The following ADAMTSL1 variants were observed in gnomAD, a reference collection of about 807,000 sequenced individuals.
ADAMTSL1 encodes the protein ADAMTS like 1.
ADAMTSL1 carries 126 observed loss-of-function variants against 201.8 expected under a neutral mutation model. The observed-to-expected ratio is 0.62, with a 90% CI of 0.54 to 0.72. The LOEUF (loss-of-function observed/expected upper bound fraction) is 0.72, where lower values mean the gene tolerates loss of function less well. Among genes scored for constraint, ADAMTSL1 ranks in the 30% least tolerant of loss-of-function variants. The probability of loss-of-function intolerance (pLI) is 0.00; values close to 1 mark genes in which losing one functional copy is unlikely to be tolerated. For synonymous variants in ADAMTSL1, 1,121 were observed against 903.4 expected, an observed-to-expected ratio of 1.24 and a Z score of -4.32; for missense variants, 2,679 against 2,277.8, an observed-to-expected ratio of 1.18 and a Z score of -3.59.
intron 1 of ADAMTSL1, among the ~76,000 whole-genome samples, chr9:18,061,313 A>C (rs551534537): frequency 6.6e-6 from 1 of 152,270 alleles, no homozygotes; most frequent in Admixed American, 6.5e-5. Flanking sequence ...CTTTTCTTTC[A>C]CATAGTTTTC....
At position 18,562,474 on chromosome 9, in the gene ADAMTSL1, C is replaced by T. The variant is rs59187654; in HGVS notation, c.238-11556C>T. Among the ~76,000 whole-genome samples the T allele has an allele frequency of 9.0e-3, 1,370 of 152,118 alleles. 24 individuals are homozygous for T. The highest frequency in any genetic ancestry group is 0.031 in the African/African-American group (1,280 of 41,506). Reference sequence around the variant, plus strand: ...ATTTTTTCCTTCATTTCAACCTTGCCGAATATGACAATTATGTGTCTTGGG... The same window carrying T: ...ATTTTTTCCTTCATTTCAACCTTGCTGAATATGACAATTATGTGTCTTGGG... On this transcript the variant is annotated intron_variant, in intron 3 of 28. Transcript: ENST00000380548.
At chr9:17,990,778 C>T (rs1040437592) in intron 1 of ADAMTSL1, among the ~76,000 whole-genome samples, 8 of 152,004 alleles carry the variant, frequency 5.3e-5, no homozygotes, top group Non-Finnish European at 1.2e-4. Context: ...TTTGAAATTA[C>T]ATGTTACCCA....
rs1423713388 is a variant in ADAMTSL1, at chr9:18,565,803, G to C, written c.238-8227G>C. Among the ~76,000 whole-genome samples, 3 of 152,136 alleles carry C rather than the reference G, an allele frequency of 2.0e-5. No individual in the cohort carries two copies. The South Asian group carries it at 6.2e-4, about 32-fold the overall frequency. On this transcript the variant is annotated intron_variant, in intron 3 of 28. Transcript: ENST00000380548. Reference sequence around the variant, plus strand: ...TGTCTGTTTAATTTCATTTTACATAGCAGCTAGCAATCTTGCACAAATAAA... The same window carrying C: ...TGTCTGTTTAATTTCATTTTACATACCAGCTAGCAATCTTGCACAAATAAA...
At chr9:18,434,886 T>A (rs1266020252) in intron 2 of ADAMTSL1, among the ~76,000 whole-genome samples, 2 of 152,244 alleles carry the variant, frequency 1.3e-5, no homozygotes, top group Non-Finnish European at 1.5e-5. Context: ...GAATTTTTCA[T>A]GTATGTGATT....
At chr9:18,056,330 G>A (rs1387360548) in intron 1 of ADAMTSL1, among the ~76,000 whole-genome samples, 1 of 152,136 alleles carries the variant, frequency 6.6e-6, no homozygotes, top group Non-Finnish European at 1.5e-5. Context: ...GATGCTGGAG[G>A]CAGGGTTGGA....
At chr9:18,071,235 T>C (rs912603897) in intron 1 of ADAMTSL1, among the ~76,000 whole-genome samples, 1 of 152,216 alleles carries the variant, frequency 6.6e-6, no homozygotes, top group African/African-American at 2.4e-5. Flanking sequence ...ACTATAACTT[T>C]TTTGTTTGTT....
At chr9:18,292,606 G>C (rs930562544) in intron 2 of ADAMTSL1, among the ~76,000 whole-genome samples, 2 of 152,130 alleles carry the variant, frequency 1.3e-5, no homozygotes, top group African/African-American at 4.8e-5. Context: ...AAGCAAGCAG[G>C]AGAAGATGGA....
chr9:18,452,085 G>A (rs192813252), intron 2 of ADAMTSL1, among the ~76,000 whole-genome samples: 1 of 152,010 alleles, frequency 6.6e-6, no homozygotes, highest in African/African-American at 2.4e-5. Context: ...GGCTAATTTT[G>A]TATTTTTAGT....
intron 2 of ADAMTSL1, among the ~76,000 whole-genome samples, chr9:18,226,869 A>G (rs1830450572): frequency 6.6e-6 from 1 of 152,100 alleles, no homozygotes; most frequent in South Asian, 2.1e-4. Flanking sequence ...TGAATCCAGC[A>G]TGAATATGTT....
chr9:17,942,397 A>C (rs1428042148), intron 1 of ADAMTSL1, among the ~76,000 whole-genome samples: 1 of 152,162 alleles, frequency 6.6e-6, no homozygotes, highest in African/African-American at 2.4e-5. Context: ...TATCAATGTA[A>C]TCTTTTGTTT....
intron 23 of ADAMTSL1, among the ~76,000 whole-genome samples, chr9:18,853,483 A>G (rs918416499): frequency 1.6e-4 from 25 of 152,314 alleles, no homozygotes; most frequent in African/African-American, 5.3e-4. Context: ...CCACAGGACC[A>G]GTTAACAGGT....
At chr9:18,813,000 ACT>A (rs1280309850) in intron 20 of ADAMTSL1, among the ~76,000 whole-genome samples, 1 of 132,762 alleles carries the variant, frequency 7.5e-6, no homozygotes, top group Non-Finnish European at 1.5e-5. Flanking sequence ...ATGGAGTCTC[ACT>A]CTGTCACCAG....
intron 4 of ADAMTSL1, among the ~76,000 whole-genome samples, chr9:18,613,159 G>A (rs1825488468): frequency 6.6e-6 from 1 of 152,158 alleles, no homozygotes. Flanking sequence ...AAACCACAAT[G>A]AGATAGCATT....
chr9:18,047,859 C>T (rs562890466), intron 1 of ADAMTSL1, among the ~76,000 whole-genome samples: 5 of 152,090 alleles, frequency 3.3e-5, no homozygotes, highest in Admixed American at 6.5e-5. Context: ...TGTTGACTTC[C>T]AGATGGAATC....
chr9:18,560,995 C>G (rs898731153), intron 3 of ADAMTSL1, among the ~76,000 whole-genome samples: 1 of 148,178 alleles, frequency 6.7e-6, no homozygotes, highest in Admixed American at 6.7e-5. Context: ...TTTTTTATGT[C>G]TCTATCTCCT....
intron 2 of ADAMTSL1, among the ~76,000 whole-genome samples, chr9:18,449,961 G>A (rs374347235): frequency 1.3e-5 from 2 of 152,128 alleles, no homozygotes; most frequent in South Asian, 4.1e-4. Context: ...AAATAGGTTG[G>A]CAGCTGCTTA....
At chr9:17,980,412 T>G (rs1288219327) in intron 1 of ADAMTSL1, among the ~76,000 whole-genome samples, 1 of 152,142 alleles carries the variant, frequency 6.6e-6, no homozygotes, top group Non-Finnish European at 1.5e-5. Context: ...ATCTTCTAAT[T>G]TACCAATTTT....
rs1221817818 is a variant in ADAMTSL1, at chr9:18,775,816, C to T, written c.2471C>T (p.Ser824Leu). The T allele has an allele frequency of 6.2e-6, 10 of 1,609,182 alleles. No homozygotes were observed. The highest frequency in any genetic ancestry group is 8.5e-6 in the Non-Finnish European group (10 of 1,177,602). ...ICRKMLKTGL[S>L]TVVNSTLCPP... The stretch of plus-strand genomic sequence containing the variant: ...CGAAAGATGCTGAAAACCGGCCTCT[C>T]AACGGTTGTCAATTCCACCCTGTGC... The change falls in exon 18 of 29, where the codon TCA becomes TTA. Residue 824 changes from serine to leucine, a missense_variant. By Grantham distance (145) the Ser-to-Leu change is moderately radical. Transcript: ENST00000380548.
intron 1 of ADAMTSL1, among the ~76,000 whole-genome samples, chr9:18,030,360 A>G (rs1011110716): frequency 1.3e-5 from 2 of 152,084 alleles, no homozygotes; most frequent in South Asian, 2.1e-4. Flanking sequence ...GAACACATGG[A>G]CACAGGAAGG....
Sources: gnomAD v4.1 joint callset for allele counts (sites outside exome capture counted in the v4.1 genomes callset) on GRCh38, gnomAD v4.1.1 for gene constraint, MANE v1.5 for transcripts, NCBI Gene and HGNC (gene_info 2026-07-23, HGNC 2026-07-21) for gene names.